GRXCR1: variants seen among roughly 807,000 people sequenced by gnomAD.
The protein encoded by GRXCR1 is glutaredoxin domain-containing cysteine-rich protein 1.
In GRXCR1, 27 loss-of-function variants were observed where a neutral mutation model predicts 27.3. That is an observed-to-expected ratio of 0.99 (90% CI 0.73 to 1.37). The LOEUF (loss-of-function observed/expected upper bound fraction) is 1.37, where lower values mean the gene tolerates loss of function less well. GRXCR1 is among the 40% of genes most tolerant of loss of function. GRXCR1 has a pLI of 0.00. For missense variants in GRXCR1, 379 were observed against 354.4 expected, an observed-to-expected ratio of 1.07 and a Z score of -0.56; for synonymous variants, 122 against 131.1, an observed-to-expected ratio of 0.93 and a Z score of 0.47.
chr4:42,901,790 T>A (rs1032085356), intron 1 of GRXCR1, among the ~76,000 whole-genome samples: 23 of 152,190 alleles, frequency 1.5e-4, no homozygotes, highest in African/African-American at 5.5e-4. Flanking sequence ...GTATCATACA[T>A]TGGCATACTT....
At chr4:43,015,331 G>T (rs1712897915) in intron 2 of GRXCR1, among the ~76,000 whole-genome samples, 1 of 152,104 alleles carries the variant, frequency 6.6e-6, no homozygotes, top group Admixed American at 6.6e-5. Flanking sequence ...TATCTTTACA[G>T]AAGATAAATA....
At chr4:42,930,747 C>T (rs909415299) in intron 1 of GRXCR1, among the ~76,000 whole-genome samples, 1 of 151,978 alleles carries the variant, frequency 6.6e-6, no homozygotes, top group African/African-American at 2.4e-5. Context: ...CTCAGATCAT[C>T]GATAGACATA....
chr4:42,983,922 A>G (rs1050820506), intron 2 of GRXCR1, among the ~76,000 whole-genome samples: 2 of 141,096 alleles, frequency 1.4e-5, no homozygotes, highest in African/African-American at 5.4e-5. Context: ...TGGAACCTTC[A>G]TCTTCCAGGT....
chr4:43,013,069 A>G (rs919005643), intron 2 of GRXCR1, among the ~76,000 whole-genome samples: 1 of 152,238 alleles, frequency 6.6e-6, no homozygotes, highest in Non-Finnish European at 1.5e-5. Flanking sequence ...TTGTATTACC[A>G]TTGATGGGAA....
chr4:42,901,729 CTTG>C (rs1746465167), intron 1 of GRXCR1, among the ~76,000 whole-genome samples: 1 of 152,134 alleles, frequency 6.6e-6, no homozygotes, highest in Admixed American at 6.5e-5. Flanking sequence ...AGACTGAGGC[CTTG>C]TTGTAGACTA....
chr4:43,020,491 C>T (rs1713060041), intron 3 of GRXCR1, 72 bp downstream of exon 3: 1 of 970,712 alleles, frequency 1.0e-6, no homozygotes, highest in African/African-American at 1.6e-5. Context: ...ATTGAGTTTT[C>T]CTAATTGAAT....
intron 2 of GRXCR1, among the ~76,000 whole-genome samples, chr4:42,970,000 C>G: frequency 6.6e-6 from 1 of 152,108 alleles, no homozygotes; most frequent in East Asian, 1.9e-4. Flanking sequence ...GGAAAATTGG[C>G]CAAAACCAAG....
At chr4:43,019,377 T>G (rs764398712) in intron 2 of GRXCR1, among the ~76,000 whole-genome samples, 2 of 152,218 alleles carry the variant, frequency 1.3e-5, no homozygotes, top group African/African-American at 4.8e-5. Flanking sequence ...GGCACCCTGC[T>G]TAGCACAAGT....
At chr4:42,912,479 C>T (rs541863504) in intron 1 of GRXCR1, among the ~76,000 whole-genome samples, 2 of 152,276 alleles carry the variant, frequency 1.3e-5, no homozygotes, top group African/African-American at 4.8e-5. Context: ...GAAGTCAATG[C>T]TCATTGCATG....
At chr4:42,929,585 G>C (rs1482483054) in intron 1 of GRXCR1, among the ~76,000 whole-genome samples, 4 of 151,906 alleles carry the variant, frequency 2.6e-5, no homozygotes, top group Admixed American at 1.3e-4. Flanking sequence ...TTTGGAGGTT[G>C]GGTCTGTGTT....
chr4:42,998,555 CCAGG>C (rs1484938731), intron 2 of GRXCR1, among the ~76,000 whole-genome samples: 1 of 152,082 alleles, frequency 6.6e-6, no homozygotes, highest in East Asian at 1.9e-4. Context: ...GTCAAAATGG[CCAGG>C]CTTGTAAGGA....
At chr4:43,006,609 A>T (rs1341214517) in intron 2 of GRXCR1, among the ~76,000 whole-genome samples, 1 of 152,136 alleles carries the variant, frequency 6.6e-6, no homozygotes, top group Non-Finnish European at 1.5e-5. Flanking sequence ...ATCTCAAAAC[A>T]CTGTCTCCTG....
intron 1 of GRXCR1, among the ~76,000 whole-genome samples, chr4:42,919,074 C>T (rs1263457010): frequency 6.6e-6 from 1 of 152,044 alleles, no homozygotes; most frequent in African/African-American, 2.4e-5. Flanking sequence ...TTAAAAAAAC[C>T]TGTATTAGTT....
chr4:43,019,744 C>T (rs1208697989), intron 2 of GRXCR1, among the ~76,000 whole-genome samples: 1 of 152,102 alleles, frequency 6.6e-6, no homozygotes, highest in Non-Finnish European at 1.5e-5. Flanking sequence ...TTTAAATTTT[C>T]TCTCTGTGTC....
At chr4:42,957,270 C>T (rs1440297050) in intron 1 of GRXCR1, among the ~76,000 whole-genome samples, 2 of 152,032 alleles carry the variant, frequency 1.3e-5, no homozygotes, top group Non-Finnish European at 2.9e-5. Context: ...TAGTACCTAG[C>T]AGCTTGTAAT....
chr4:42,956,520 A>G (rs1407469267), intron 1 of GRXCR1, among the ~76,000 whole-genome samples: 1 of 152,128 alleles, frequency 6.6e-6, no homozygotes, highest in Non-Finnish European at 1.5e-5. Flanking sequence ...ACCTTGAGAA[A>G]TCATCCAACT....
At chr4:42,957,225 A>G (rs1337138239) in intron 1 of GRXCR1, among the ~76,000 whole-genome samples, 1 of 152,062 alleles carries the variant, frequency 6.6e-6, no homozygotes, top group Non-Finnish European at 1.5e-5. Context: ...GTACCCACGC[A>G]CTATGCTTTC....
chr4:43,016,413 A>T (rs1712932556), intron 2 of GRXCR1, among the ~76,000 whole-genome samples: 1 of 152,096 alleles, frequency 6.6e-6, no homozygotes, highest in Non-Finnish European at 1.5e-5. Context: ...AAACTTAATG[A>T]TTGTTTTGTG....
intron 1 of GRXCR1, among the ~76,000 whole-genome samples, chr4:42,951,528 A>G (rs908986571): frequency 2.6e-5 from 4 of 152,194 alleles, no homozygotes; most frequent in Non-Finnish European, 4.4e-5. Flanking sequence ...TTCCTCTGAT[A>G]TACGTTGCTA....
Sources: gnomAD v4.1 joint callset for allele counts (sites outside exome capture counted in the v4.1 genomes callset) on GRCh38, gnomAD v4.1.1 for gene constraint, MANE v1.5 for transcripts, NCBI Gene and HGNC (gene_info 2026-07-23, HGNC 2026-07-21) for gene names.